The following MYOM2 variants were observed in gnomAD, a reference collection of about 807,000 sequenced individuals.
MYOM2 encodes myomesin 2.
Under a neutral mutation model 187.6 loss-of-function variants are expected in MYOM2, and 254 were observed. The ratio of observed to expected loss-of-function variants is 1.35; its 90% CI spans 1.22 to 1.50. The LOEUF (loss-of-function observed/expected upper bound fraction) is 1.50, where lower values mean the gene tolerates loss of function less well. Ranked by LOEUF, MYOM2 falls within the 40% of genes most tolerant of loss-of-function variation. The pLI is 0.00. For synonymous variants in MYOM2, 981 were observed against 753.8 expected (o/e 1.30, Z -4.94); for missense variants, 2,796 against 1,924.0 (o/e 1.45, Z -8.48).
chr8:2,114,636 A>AT (rs1334403547), intron 25 of MYOM2, among the ~76,000 whole-genome samples: 1 of 151,984 alleles, frequency 6.6e-6, no homozygotes, highest in Non-Finnish European at 1.5e-5. Flanking sequence ...CACCTGGCTA[A>AT]TTCTTGTATT....
In MYOM2 at chr8:2,109,503, T is replaced by A; in HGVS notation, c.3152T>A (p.Ile1051Asn). The A allele has an allele frequency of 6.2e-7, 1 of 1,613,190 alleles. No individual in the cohort carries two copies. The highest frequency in any genetic ancestry group is 8.5e-7 in the Non-Finnish European group (1 of 1,179,572). The change falls in exon 25 of 37, where the codon ATT becomes AAT. Residue 1051 changes from isoleucine to asparagine, a missense_variant. Coordinates refer to ENST00000262113, the MANE Select transcript of MYOM2 (RefSeq NM_003970.4). The stretch of plus-strand genomic sequence containing the variant: ...CCAGATGCCAGCTACCGATTTATTA[T>A]TAACGACAGAGAAGTCTCTGACAGC... ...LSPDASYRFI[I>N]NDREVSDSEI...
chr8:2,076,281 C>T lies in MYOM2; in HGVS notation c.1261C>T (p.Arg421Ter), dbSNP rs551822794. The change falls in exon 11 of 37, where the codon CGA becomes TGA. Residue 421 changes from arginine to a stop codon, truncating the protein, a stop_gained and splice_region_variant. Transcript: ENST00000262113. LOFTEE classifies it high-confidence loss of function. ...CCCCGTCATGGGCTATTTTGTGGAC[C>T]GGTGAGCGTCTTGCATTCTCCCGGG... Reference protein sequence around the residue: ...ESPVMGYFVDRCEVGTNNWVQ... With the variant: ...ESPVMGYFVD 8.1e-6 allele frequency: 13 copies of T among 1,613,296 alleles called. No homozygotes were observed. The highest frequency in any genetic ancestry group is 2.7e-5 in the African/African-American group (2 of 75,034).
At position 2,106,539 on chromosome 8, in the gene MYOM2, C is replaced by T; in HGVS notation, c.2940C>T (p.Tyr980=). 1 of 1,612,528 alleles carries T rather than the reference C, an allele frequency of 6.2e-7. No homozygotes were observed. Among genetic ancestry groups the T allele is most frequent in the South Asian group, 1.1e-5 (1 of 91,062 alleles). The change falls in exon 23 of 37, where the codon TAC becomes TAT. Residue 980 remains tyrosine (Y), a synonymous_variant. Coordinates refer to ENST00000262113, the MANE Select transcript of MYOM2 (RefSeq NM_003970.4). ...KNPDKEDLGT[Y]SVSVSDTDGV... ...CGGATAAGGAGGATTTAGGGACTTACTCCGTGTCTGTAAGTGATACAGACG... is the reference window on the plus strand; with the variant it reads ...CGGATAAGGAGGATTTAGGGACTTATTCCGTGTCTGTAAGTGATACAGACG...
At chr8:2,093,928 G>A (rs781127118) in intron 16 of MYOM2, 42 bp from the exon 17 acceptor site, 1 of 1,595,248 alleles carries the variant, frequency 6.3e-7, no homozygotes, top group Non-Finnish European at 8.5e-7. Flanking sequence ...GAGAGAAAAA[G>A]TGGAGCCTGG....
rs774721395 is a variant in MYOM2, at chr8:2,129,246, C to T, written c.3800+14C>T. 7.6e-6 allele frequency: 12 copies of T among 1,574,996 alleles called. No homozygotes were observed. Among genetic ancestry groups the T allele is most frequent in the Non-Finnish European group, 1.0e-5 (12 of 1,145,334 alleles). On this transcript the variant is annotated intron_variant, in intron 32 of 36. Transcript: ENST00000262113. ...CTGGTGTCACAAGTAAGTATGACAG[C>T]AGCCGATGGAGGCCATGCCATAGAT...
chr8:2,100,560 G>A, intron 19 of MYOM2: 1 of 324,274 alleles, frequency 3.1e-6, no homozygotes, highest in Non-Finnish European at 5.8e-6. Context: ...AGGGTAACTT[G>A]AGAACCTGTC....
At chr8:2,063,930 C>T (rs986697116) in intron 6 of MYOM2, among the ~76,000 whole-genome samples, 5 of 152,234 alleles carry the variant, frequency 3.3e-5, no homozygotes, top group Non-Finnish European at 7.3e-5. Context: ...AAACCCTTGC[C>T]TCTCCCTCAC....
At chr8:2,101,458 C>T (rs944625874) in intron 20 of MYOM2, among the ~76,000 whole-genome samples, 5 of 152,346 alleles carry the variant, frequency 3.3e-5, no homozygotes, top group Admixed American at 3.3e-4. Context: ...TTGATCTCTG[C>T]GCAAGCCAGC....
In MYOM2 at chr8:2,076,150, C is replaced by A. The variant is rs767925985; in HGVS notation, c.1130C>A (p.Pro377Gln). 1 of 1,611,862 alleles carries A rather than the reference C, an allele frequency of 6.2e-7. No individual in the cohort carries two copies. The highest frequency in any genetic ancestry group is 1.7e-5 in the Admixed American group (1 of 59,860). The change falls in exon 11 of 37, where the codon CCG becomes CAG. Residue 377 changes from proline (P) to glutamine (Q), a missense_variant. By Grantham distance (76) the Pro-to-Gln change is moderately conservative. Coordinates refer to ENST00000262113, the MANE Select transcript of MYOM2 (RefSeq NM_003970.4). ...CTCTCCCTGCCCCAAGATGCTGACC[C>A]GCTGGTCACAGGGGCCCCCGGTGCA... Reference protein sequence around the residue: ...SAFLFVRDADPLVTGAPGAPM... With the variant: ...SAFLFVRDADQLVTGAPGAPM...
At chr8:2,119,603 A>T (rs868505207) in intron 28 of MYOM2, among the ~76,000 whole-genome samples, 1 of 151,990 alleles carries the variant, frequency 6.6e-6, no homozygotes, top group Non-Finnish European at 1.5e-5. Context: ...ACAAGGGGGG[A>T]TACGAGCAGG....
At chr8:2,073,042 G>A (rs1819288857) in intron 9 of MYOM2, among the ~76,000 whole-genome samples, 1 of 152,202 alleles carries the variant, frequency 6.6e-6, no homozygotes, top group Non-Finnish European at 1.5e-5. Context: ...CAGCAGAGAA[G>A]CAGCGGGCCC....
chr8:2,131,289 A>G lies in MYOM2; in HGVS notation c.3800+2057A>G, dbSNP rs78742617. Among the ~76,000 whole-genome samples, 470 of 152,282 alleles carry G rather than the reference A, an allele frequency of 3.1e-3. 2 individuals are homozygous for G. Among genetic ancestry groups the G allele is most frequent in the African/African-American group, 0.011 (452 of 41,558 alleles). ...CCCTGTGAGTTAGGTATTTATACCC[A>G]CATTTTATAGATGTGGAAACTGGGG... On this transcript the variant is annotated intron_variant, in intron 32 of 36. Coordinates refer to ENST00000262113, the MANE Select transcript of MYOM2 (RefSeq NM_003970.4).
chr8:2,108,086 A>G (rs891846023), intron 23 of MYOM2, among the ~76,000 whole-genome samples: 2 of 152,092 alleles, frequency 1.3e-5, no homozygotes, highest in Non-Finnish European at 1.5e-5. Context: ...ATCTAACTTC[A>G]TTTTTCCATT....
chr8:2,064,776 T>G (rs985014542), intron 6 of MYOM2, among the ~76,000 whole-genome samples: 3 of 151,430 alleles, frequency 2.0e-5, no homozygotes, highest in Non-Finnish European at 2.9e-5. Flanking sequence ...CTCCTTCTCC[T>G]CCATCCCCCT....
At chr8:2,094,137 G>T (rs756905893) in intron 17 of MYOM2, 46 bp downstream of exon 17, 79 of 1,601,576 alleles carry the variant, frequency 4.9e-5, no homozygotes, top group Non-Finnish European at 6.5e-5. Flanking sequence ...CCCATACACT[G>T]TCATTTCTGC....
At chr8:2,087,583 A>G (rs1796137513) in intron 14 of MYOM2, among the ~76,000 whole-genome samples, 2 of 152,206 alleles carry the variant, frequency 1.3e-5, no homozygotes, top group Admixed American at 1.3e-4. Flanking sequence ...TCTTCCACCA[A>G]TACCAGAAAC....
intron 17 of MYOM2, among the ~76,000 whole-genome samples, chr8:2,094,897 A>G: frequency 6.6e-6 from 1 of 152,194 alleles, no homozygotes; most frequent in East Asian, 1.9e-4. Context: ...CAGTTGCTGT[A>G]TCAAGCTGTG....
Position 2,055,135 on chromosome 8 carries a change from C to G in MYOM2, c.264-2213C>G, listed in dbSNP as rs34744488. On this transcript the variant is annotated intron_variant, in intron 3 of 36. Transcript: ENST00000262113. The stretch of plus-strand genomic sequence containing the variant: ...CCAAGTACCTGGATACTGGGGTAAC[C>G]AAGTACCTGGATACTGGGGGAACCA... Among the ~76,000 whole-genome samples the G allele has an allele frequency of 6.4e-3, 131 of 20,604 alleles. 9 individuals carry two copies. Among genetic ancestry groups the G allele is most frequent in the African/African-American group, 0.011 (117 of 10,406 alleles). The allele number at this position is 20,604 out of a possible 152,430, so 13.5% of individuals were successfully genotyped here.
intron 25 of MYOM2, among the ~76,000 whole-genome samples, chr8:2,112,532 C>T (rs1585926977): frequency 6.6e-6 from 1 of 152,024 alleles, no homozygotes; most frequent in African/African-American, 2.4e-5. Flanking sequence ...GGCTGTTTGC[C>T]TGAGTGATCT....
Sources: gnomAD v4.1 joint callset for allele counts (sites outside exome capture counted in the v4.1 genomes callset) on GRCh38, gnomAD v4.1.1 for gene constraint, MANE v1.5 for transcripts, NCBI Gene and HGNC (gene_info 2026-07-23, HGNC 2026-07-21) for gene names.